GRAMD1A: variants seen among roughly 807,000 people sequenced by gnomAD.
GRAMD1A encodes protein Aster-A.
GRAMD1A carries 50 observed loss-of-function variants against 92.0 expected under a neutral mutation model. The observed-to-expected ratio is 0.54, with a 90% CI of 0.43 to 0.69. The LOEUF (loss-of-function observed/expected upper bound fraction) is 0.69. Ranked by LOEUF, GRAMD1A falls within the 30% of genes least tolerant of loss-of-function variation. The pLI, the probability that GRAMD1A is intolerant of heterozygous loss-of-function variation, is 0.00. For synonymous variants in GRAMD1A, 405 were observed against 403.6 expected (o/e 1.00, Z -0.04); for missense variants, 819 against 978.9 (o/e 0.84, Z 2.18).
chr19:35,019,388 CA>C lies in GRAMD1A; in HGVS notation c.1333-2del. The C allele has an allele frequency of 6.2e-7, 1 of 1,613,732 alleles. No homozygotes were observed. Among genetic ancestry groups the C allele is most frequent in the Non-Finnish European group, 8.5e-7 (1 of 1,179,904 alleles). On this transcript the variant is annotated splice_acceptor_variant, in intron 12 of 19. Coordinates refer to ENST00000317991, the MANE Select transcript of GRAMD1A (RefSeq NM_020895.5). LOFTEE classifies it high-confidence loss of function. ...CCTGACTTCTCCGGCTCTGTCCCTG[CA>C]GACGCTGTTCCGGCGCGGCCCCCAG... is the stretch of plus-strand genomic sequence containing the variant.
In GRAMD1A at chr19:35,019,600, A is replaced by G. The variant is rs68162641; in HGVS notation, c.1475+67A>G. The G allele has an allele frequency of 0.29, 433,087 of 1,476,328 alleles. 66,654 individuals are homozygous for G. Among genetic ancestry groups the G allele is most frequent in the Middle Eastern group, 0.45 (2,612 of 5,762 alleles). 91.5% of individuals were successfully genotyped at this position (1,476,328 alleles called of 1,614,324 possible). A position where few individuals can be genotyped will look rare whatever the true frequency, so the allele number is the denominator to read the frequency against. On this transcript the variant is annotated intron_variant, in intron 13 of 19. Transcript: ENST00000317991. ...CCCAGGGCCTCCTGTCCACTCCTCA[A>G]GTCAGCAGCAGAGCCTTGGTTCCCA...
intron 11 of GRAMD1A, among the ~76,000 whole-genome samples, chr19:35,017,051 C>T (rs1477772981): frequency 6.7e-6 from 1 of 149,286 alleles, no homozygotes; most frequent in African/African-American, 2.5e-5. Context: ...GCTGCCCACC[C>T]GTAATCCCAG....
chr19:35,022,899 G>A lies in GRAMD1A; in HGVS notation c.1842-1G>A. The A allele has an allele frequency of 1.2e-6, 2 of 1,604,348 alleles. No homozygotes were observed. Among genetic ancestry groups the A allele is most frequent in the South Asian group, 1.1e-5 (1 of 89,306 alleles). ...GTCTCCCCTCACTGCTGCTGCTGCA[G>A]GATCTGTGTGAGGTAGGGTCCCGAG... is the stretch of plus-strand genomic sequence containing the variant. On this transcript the variant is annotated splice_acceptor_variant, in intron 16 of 19. Transcript: ENST00000317991. LOFTEE classifies it high-confidence loss of function.
At position 35,019,651 on chromosome 19, in the gene GRAMD1A, G is replaced by T. The variant is rs60418354; in HGVS notation, c.1475+118G>T. On this transcript the variant is annotated intron_variant, in intron 13 of 19. Transcript: ENST00000317991. ...CCCTGGTGGAGGAACAGAAGCGTGG[G>T]GTTCCTGAGGCCCTTGTCCTCCGAA... is the stretch of plus-strand genomic sequence containing the variant. 1,856 of 989,662 alleles carry T rather than the reference G, an allele frequency of 1.9e-3. 28 individuals carry two copies. In the East Asian group the frequency reaches 0.031, roughly 17 times the overall value. 61.3% of individuals were successfully genotyped at this position (989,662 alleles called of 1,614,324 possible). A position where few individuals can be genotyped will look rare whatever the true frequency, so the allele number is the denominator to read the frequency against.
chr19:35,019,938 G>A (rs758417952), intron 13 of GRAMD1A, among the ~76,000 whole-genome samples: 2 of 152,190 alleles, frequency 1.3e-5, no homozygotes, highest in African/African-American at 2.4e-5. Context: ...CACCCGACAC[G>A]CTGGTCAGGG....
chr19:35,021,822 C>T lies in GRAMD1A; in HGVS notation c.1711C>T (p.Pro571Ser). 1 of 1,607,862 alleles carries T rather than the reference C, an allele frequency of 6.2e-7. No homozygotes were observed. The highest frequency in any genetic ancestry group is 8.5e-7 in the Non-Finnish European group (1 of 1,176,902). ...GGCTCACGGGGACGGGCCCCAGCAC[C>T]CAGATCCTGACCCCTGTGCCCGGGC... Reference protein sequence around the residue: ...WRAHGDGPQHPDPDPCARAGI... With the variant: ...WRAHGDGPQHSDPDPCARAGI... Residue 571 changes from proline to serine, a missense_variant, in exon 15 of 20, where the codon CCA becomes TCA. Pro to Ser is a moderately conservative substitution (Grantham distance 74). This residue lies in a region of GRAMD1A where 577 missense variants were observed against 674.6 expected (regional missense o/e 0.86). Coordinates refer to ENST00000317991, the MANE Select transcript of GRAMD1A (RefSeq NM_020895.5). The surrounding 1 kb of genome is among the most constrained non-coding windows in gnomAD (Gnocchi z 5.3).
chr19:35,013,235 C>A lies in GRAMD1A; in HGVS notation c.607-21C>A. 9 of 1,386,214 alleles carry A rather than the reference C, an allele frequency of 6.5e-6. No homozygotes were observed. The highest frequency in any genetic ancestry group is 9.0e-6 in the Non-Finnish European group (9 of 1,003,924). The allele number at this position is 1,386,214 out of a possible 1,614,324, so 85.9% of individuals were successfully genotyped here. The stretch of plus-strand genomic sequence containing the variant: ...CTGGCTGGGGTGAGATGGAGGCCAA[C>A]CCCAGGTCCCGCCTCCCCAGACGCT... On this transcript the variant is annotated intron_variant, in intron 7 of 19. Coordinates refer to ENST00000317991, the MANE Select transcript of GRAMD1A (RefSeq NM_020895.5). The surrounding 1 kb of genome is among the most constrained non-coding windows in gnomAD (Gnocchi z 4.9).
chr19:35,021,259 G>A lies in GRAMD1A; in HGVS notation c.1476-243G>A, dbSNP rs539140369. On this transcript the variant is annotated intron_variant, in intron 13 of 19. Transcript: ENST00000317991. This position sits in a 1 kb window ranked among gnomAD's most constrained non-coding sequence, Gnocchi z 5.3. ...AGACAGGGCTCAGGCCGCCGGGAGC[G>A]TTGCCCAGGTAGTGGGCATGGGTGG... Among the ~76,000 whole-genome samples, 77 of 152,200 alleles carry A rather than the reference G, an allele frequency of 5.1e-4. No homozygotes were observed. Among genetic ancestry groups the A allele is most frequent in the Non-Finnish European group, 8.2e-4 (56 of 68,042 alleles).
At position 35,010,266 on chromosome 19, in the gene GRAMD1A, C is replaced by A. The variant is rs764435567; in HGVS notation, c.430-18C>A. On this transcript the variant is annotated intron_variant, in intron 5 of 19. Coordinates refer to ENST00000317991, the MANE Select transcript of GRAMD1A (RefSeq NM_020895.5). Reference sequence around the variant, plus strand: ...CCAGGCCCCACCCCGCTCCTATTGACCCTCCTGCTGTCCTCAGATCTCCAT... The same window carrying A: ...CCAGGCCCCACCCCGCTCCTATTGAACCTCCTGCTGTCCTCAGATCTCCAT... 5.6e-6 allele frequency: 9 copies of A among 1,603,312 alleles called. No homozygotes were observed. In the South Asian group the frequency reaches 9.9e-5, roughly 18 times the overall value.
Position 35,023,281 on chromosome 19 carries a change from C to G in GRAMD1A, c.1899C>G (p.Leu633=). The G allele has an allele frequency of 6.2e-7, 1 of 1,614,206 alleles. No individual in the cohort carries two copies. The highest frequency in any genetic ancestry group is 8.5e-7 in the Non-Finnish European group (1 of 1,179,998). ...IALNVLLFYR[L]WSLERTAHTF... ...TCAACGTCCTGCTCTTCTACCGCCT[C>G]TGGTCCCTGGAAAGGACAGCCCACA... The change falls in exon 18 of 20, where the codon CTC becomes CTG. Residue 633 remains leucine (L), a synonymous_variant. Transcript: ENST00000317991.
chr19:35,017,637 C>T (rs2015737548), intron 11 of GRAMD1A, among the ~76,000 whole-genome samples: 1 of 152,092 alleles, frequency 6.6e-6, no homozygotes, highest in Admixed American at 6.5e-5. Flanking sequence ...CAATATTGGC[C>T]TCCAGCCTCA....
chr19:35,009,612 T>A (rs1443102581), intron 3 of GRAMD1A, 169 bp downstream of exon 3: 2 of 743,644 alleles, frequency 2.7e-6, no homozygotes, highest in East Asian at 4.9e-5. Flanking sequence ...GTGAGTTACT[T>A]AACCTCTCTG....
chr19:35,006,002 G>T, intron 1 of GRAMD1A: 1 of 456,054 alleles, frequency 2.2e-6, no homozygotes, highest in Non-Finnish European at 4.4e-6. Context: ...ATACATCAAG[G>T]CCCCTAAATG....
chr19:34,996,225 G>C (rs2014030063), upstream of GRAMD1A: 2 of 1,535,486 alleles, frequency 1.3e-6, no homozygotes, highest in African/African-American at 2.7e-5. Context: ...TCCCCCGCCT[G>C]CACCCCAACC....
At position 35,022,901 on chromosome 19, in the gene GRAMD1A, A is replaced by T; in HGVS notation, c.1843A>T (p.Ile615Phe). Residue 615 changes from isoleucine to phenylalanine, a missense_variant and splice_region_variant, in exon 17 of 20, where the codon ATC (isoleucine) becomes TTC (phenylalanine). Ile to Phe is a conservative substitution (Grantham distance 21). Transcript: ENST00000317991. Reference sequence around the variant, plus strand: ...CTCCCCTCACTGCTGCTGCTGCAGGATCTGTGTGAGGTAGGGTCCCGAGTC... The same window carrying T: ...CTCCCCTCACTGCTGCTGCTGCAGGTTCTGTGTGAGGTAGGGTCCCGAGTC... Reference protein sequence around the residue: ...PSALVLISIVICVSLIILIAL... With the variant: ...PSALVLISIVFCVSLIILIAL... 1 of 1,604,054 alleles carries T rather than the reference A, an allele frequency of 6.2e-7. No homozygotes were observed. Among genetic ancestry groups the T allele is most frequent in the Non-Finnish European group, 8.5e-7 (1 of 1,175,444 alleles).
At chr19:35,009,493 TG>T in intron 3 of GRAMD1A, 50 bp downstream of exon 3, 1 of 1,600,168 alleles carries the variant, frequency 6.2e-7, no homozygotes. Context: ...GACCGGGTGC[TG>T]GGCCAGGAGC....
In GRAMD1A at chr19:35,000,571, G is replaced by A; in HGVS notation, c.8+85G>A. ...GGGGGCGCCGCGGGCTTGGGGAGGG[G>A]GCGGAGCGGCCGCTGCAGAGGTCGG... On this transcript the variant is annotated intron_variant, in intron 1 of 19. Coordinates refer to ENST00000317991, the MANE Select transcript of GRAMD1A (RefSeq NM_020895.5). The surrounding 1 kb of genome is among the most constrained non-coding windows in gnomAD (Gnocchi z 4.9). 1 of 1,093,346 alleles carries A rather than the reference G, an allele frequency of 9.1e-7. No individual in the cohort carries two copies. The highest frequency in any genetic ancestry group is 1.2e-6 in the Non-Finnish European group (1 of 863,648). 67.7% of individuals were successfully genotyped at this position (1,093,346 alleles called of 1,614,324 possible).
rs1265891810 is a variant in GRAMD1A at position 35,000,593 on chromosome 19, T to G, written c.8+107T>G. ...GGGGGCGGAGCGGCCGCTGCAGAGG[T>G]CGGGGGCCTCTGCACATGGCTCTGG... On this transcript the variant is annotated intron_variant, in intron 1 of 19. Transcript: ENST00000317991. This position sits in a 1 kb window ranked among gnomAD's most constrained non-coding sequence, Gnocchi z 4.9. 4.6e-6 allele frequency: 2 copies of G among 431,462 alleles called. No homozygotes were observed. Among genetic ancestry groups the G allele is most frequent in the East Asian group, 1.8e-4 (1 of 5,514 alleles). 26.7% of individuals were successfully genotyped at this position (431,462 alleles called of 1,614,324 possible). A position where few individuals can be genotyped will look rare whatever the true frequency, so the allele number is the denominator to read the frequency against.
chr19:35,019,061 G>C, intron 11 of GRAMD1A, 130 bp from the exon 12 acceptor site: 1 of 682,868 alleles, frequency 1.5e-6, no homozygotes, highest in Non-Finnish European at 2.6e-6. Context: ...TGGAAGGAAG[G>C]TGGGGACACA....
Sources: gnomAD v4.1 joint callset for allele counts (sites outside exome capture counted in the v4.1 genomes callset) on GRCh38, gnomAD v4.1.1 for gene constraint, gnomAD v4.1.1 regional missense constraint, Gnocchi (gnomAD v3.1) non-coding constraint, MANE v1.5 for transcripts, NCBI Gene and HGNC (gene_info 2026-07-23, HGNC 2026-07-21) for gene names.